Variants in ZNF558 observed in about 807,000 individuals in gnomAD.
ZNF558 encodes the protein zinc finger protein 558.
A neutral mutation model predicts 37.6 loss-of-function variants in ZNF558; 23 were observed. That is an observed-to-expected ratio of 0.61 (90% CI 0.44 to 0.87). The LOEUF is 0.87. Ranked by LOEUF, ZNF558 falls within the 40% of genes least tolerant of loss-of-function variation. The pLI is 0.00. For synonymous variants in ZNF558, 189 were observed against 174.4 expected (o/e 1.08, Z -0.66); for missense variants, 429 against 483.7 (o/e 0.89, Z 1.06).
intron 7 of ZNF558, among the ~76,000 whole-genome samples, chr19:8,820,758 G>A (rs978727513): frequency 2.8e-4 from 43 of 152,174 alleles, no homozygotes; most frequent in Admixed American, 9.8e-4. Flanking sequence ...TTACAGGTGT[G>A]AGCCACCACA....
At position 8,821,083 on chromosome 19, in the gene ZNF558, T is replaced by C. The variant is rs910140030; in HGVS notation, c.247+97A>G. On this transcript the variant is annotated intron_variant, in intron 7 of 9. Coordinates refer to ENST00000601372, the MANE Select transcript of ZNF558 (RefSeq NM_144693.3). Reference sequence around the variant, plus strand: ...GAATGGTTAAAAATGGTGAATTTTATGTTGTATGGATTTTACCACAATAAA... The same window carrying C: ...GAATGGTTAAAAATGGTGAATTTTACGTTGTATGGATTTTACCACAATAAA... The C allele has an allele frequency of 2.7e-6, 4 of 1,503,386 alleles. No homozygotes were observed. In the African/African-American group the frequency reaches 5.6e-5, roughly 21 times the overall value. The allele number at this position is 1,503,386 out of a possible 1,614,324, so 93.1% of individuals were successfully genotyped here. A position where few individuals can be genotyped will look rare whatever the true frequency, so the allele number is the denominator to read the frequency against.
intron 7 of ZNF558, among the ~76,000 whole-genome samples, chr19:8,813,842 C>A (rs1324156497): frequency 6.6e-6 from 1 of 152,166 alleles, no homozygotes; most frequent in Non-Finnish European, 1.5e-5. Flanking sequence ...AAAGTCAGGA[C>A]AAGAAATAGA....
rs1413165986 is a variant in ZNF558, at chr19:8,808,163, C to A, written c.*3118G>T. The A allele has an allele frequency of 2.6e-5, 4 of 152,074 alleles. No homozygotes were observed. The highest frequency in any genetic ancestry group is 9.7e-5 in the African/African-American group (4 of 41,406). 9.4% of individuals were successfully genotyped at this position (152,074 alleles called of 1,614,324 possible). A position where few individuals can be genotyped will look rare whatever the true frequency, so the allele number is the denominator to read the frequency against. Reference sequence around the variant, plus strand: ...TCTACTAAAAATATAAAAAAATTACCTGGGCGTGGTGGCAGGTGCCTGTAA... The same window carrying A: ...TCTACTAAAAATATAAAAAAATTACATGGGCGTGGTGGCAGGTGCCTGTAA... On this transcript the variant is annotated 3_prime_UTR_variant, in exon 10 of 10. Transcript: ENST00000601372.
At chr19:8,832,473 G>A (rs1475939991), upstream of ZNF558, 1 of 152,692 alleles carries the variant, frequency 6.5e-6, no homozygotes, top group Non-Finnish European at 1.5e-5. Flanking sequence ...AGGTGTTCTA[G>A]TTTGCTTAGT....
chr19:8,812,104 T>C, intron 9 of ZNF558, 41 bp from the exon 10 acceptor site: 2 of 1,417,444 alleles, frequency 1.4e-6, no homozygotes, highest in Non-Finnish European at 1.9e-6. Context: ...ATTTATAATA[T>C]TTGAAATACT....
chr19:8,832,802 G>C (rs2044395016), upstream of ZNF558, among the ~76,000 whole-genome samples: 2 of 152,010 alleles, frequency 1.3e-5, no homozygotes, highest in African/African-American at 4.8e-5. Context: ...TTCCGGGGCG[G>C]GGCTGAGCGG....
chr19:8,815,112 T>A (rs191779), intron 7 of ZNF558, among the ~76,000 whole-genome samples: 27,601 of 151,972 alleles, frequency 0.18, 2,997 homozygotes, highest in African/African-American at 0.31. Context: ...TTGGGCCCAT[T>A]ACAAGAAAAA....
Position 8,823,020 on chromosome 19 carries a change from C to T in ZNF558, c.-65-296G>A, listed in dbSNP as rs2044133014. ...ATCCAAGCGCACCACAAACGCATTC[C>T]CGGCTACTCCCTCCTTCCCCGGGGA... On this transcript the variant is annotated intron_variant, in intron 4 of 9. Coordinates refer to ENST00000601372, the MANE Select transcript of ZNF558 (RefSeq NM_144693.3). The T allele has an allele frequency of 7.2e-5, 20 of 277,370 alleles. 1 individual carries two copies. In the South Asian group the frequency reaches 9.5e-4, roughly 13 times the overall value. 17.2% of individuals were successfully genotyped at this position (277,370 alleles called of 1,614,324 possible).
intron 7 of ZNF558, among the ~76,000 whole-genome samples, chr19:8,817,995 A>G (rs2043983074): frequency 6.6e-6 from 1 of 152,222 alleles, no homozygotes; most frequent in African/African-American, 2.4e-5. Flanking sequence ...TAACAAATAT[A>G]TAAAGAACAC....
At position 8,811,684 on chromosome 19, in the gene ZNF558, C is replaced by T; in HGVS notation, c.806G>A (p.Cys269Tyr). ...TGENHHECNQCGKAFSTRSSL... is the reference protein window; with the variant it reads ...TGENHHECNQYGKAFSTRSSL... ...GGACCTTGTGCTGAAAGCTTTTCCA[C>T]ACTGATTACATTCATGGTGATTCTC... is the stretch of plus-strand genomic sequence containing the variant. The change falls in exon 10 of 10, where the codon TGT becomes TAT. Residue 269 changes from cysteine (C) to tyrosine (Y), a missense_variant. Transcript: ENST00000601372. 1 of 1,614,192 alleles carries T rather than the reference C, an allele frequency of 6.2e-7. No individual in the cohort carries two copies. The highest frequency in any genetic ancestry group is 8.5e-7 in the Non-Finnish European group (1 of 1,180,044).
chr19:8,820,355 G>T lies in ZNF558; in HGVS notation c.247+825C>A, dbSNP rs1599272657. Among the ~76,000 whole-genome samples the T allele has an allele frequency of 5.3e-5, 8 of 152,336 alleles. 1 individual carries two copies. Among genetic ancestry groups the T allele is most frequent in the Admixed American group, 1.3e-4 (2 of 15,300 alleles). On this transcript the variant is annotated intron_variant, in intron 7 of 9. Coordinates refer to ENST00000601372, the MANE Select transcript of ZNF558 (RefSeq NM_144693.3). Reference sequence around the variant, plus strand: ...TATAGCATTATTCTTGATAGTCAAAGAGTGGAAACAACTCAAATGTTTCTC... The same window carrying T: ...TATAGCATTATTCTTGATAGTCAAATAGTGGAAACAACTCAAATGTTTCTC...
At chr19:8,815,572 G>A (rs549619208) in intron 7 of ZNF558, among the ~76,000 whole-genome samples, 1 of 152,066 alleles carries the variant, frequency 6.6e-6, no homozygotes, top group Non-Finnish European at 1.5e-5. Flanking sequence ...CTTGCAACCA[G>A]GAGTTCAAGA....
At position 8,811,287 on chromosome 19, in the gene ZNF558, C is replaced by G; in HGVS notation, c.1203G>C (p.Trp401Cys). The G allele has an allele frequency of 6.4e-7, 1 of 1,555,276 alleles. No homozygotes were observed. The highest frequency in any genetic ancestry group is 8.7e-7 in the Non-Finnish European group (1 of 1,153,648). ...CAGAAGTTCCTGCAGTAATTCATAT[C>G]CATCTATTATGTATTCTCTTGTGCA... ...LSVHKRIHNR[W>C]I The change falls in exon 10 of 10, where the codon TGG becomes TGC. Residue 401 changes from tryptophan to cysteine, a missense_variant. Transcript: ENST00000601372.
chr19:8,835,558 G>T (rs2044446586), upstream of ZNF558, among the ~76,000 whole-genome samples: 1 of 152,104 alleles, frequency 6.6e-6, no homozygotes, highest in African/African-American at 2.4e-5. Context: ...GGAGAAATTG[G>T]AATTCTTATA....
At position 8,829,022 on chromosome 19, in the gene ZNF558, G is replaced by GGGA. The variant is rs537553321; in HGVS notation, c.-509+2293_-509+2295dup. Among the ~76,000 whole-genome samples, 313 of 151,476 alleles carry GGGA rather than the reference G, an allele frequency of 2.1e-3. 3 individuals are homozygous for GGGA. The highest frequency in any genetic ancestry group is 0.019 in the Admixed American group (287 of 15,178). On this transcript the variant is annotated intron_variant, in intron 2 of 9. Transcript: ENST00000601372. ...CATGCCTGTATCATCTCAGCACTTT[G>GGGA]GGAGGCTGAGGCGGGTGGATCACGA...
In ZNF558 at chr19:8,814,426, T is replaced by C. The variant is rs2043877870; in HGVS notation, c.248-1204A>G. On this transcript the variant is annotated intron_variant, in intron 7 of 9. Transcript: ENST00000601372. ...GGTAAATGTATTAGTCAGTACTGCT[T>C]GAGGCAAGAGAAAACAGTAGAAGCA... 3.9e-5 allele frequency among the ~76,000 whole-genome samples: 6 copies of C among 152,296 alleles called. No homozygotes were observed. In the South Asian group the frequency reaches 1.2e-3, roughly 32 times the overall value.
intron 2 of ZNF558, among the ~76,000 whole-genome samples, chr19:8,825,783 G>A (rs964241228): frequency 6.6e-6 from 1 of 152,086 alleles, no homozygotes; most frequent in East Asian, 1.9e-4. Flanking sequence ...GGGCCTCTGT[G>A]GTAGACAGAT....
Position 8,806,176 on chromosome 19 carries a change from TAA to T in ZNF558, c.*5103_*5104del, listed in dbSNP as rs1266412299. 2.0e-5 allele frequency: 3 copies of T among 152,204 alleles called. No homozygotes were observed. Among genetic ancestry groups the T allele is most frequent in the African/African-American group, 7.2e-5 (3 of 41,450 alleles). 9.4% of individuals were successfully genotyped at this position (152,204 alleles called of 1,614,324 possible). A position where few individuals can be genotyped will look rare whatever the true frequency, so the allele number is the denominator to read the frequency against. On this transcript the variant is annotated 3_prime_UTR_variant, in exon 10 of 10. Coordinates refer to ENST00000601372, the MANE Select transcript of ZNF558 (RefSeq NM_144693.3). ...TGGGGAGATCAATGCAATGTGTTTTTAAAAGCATTTTATTTTGGAAAGTTTAG... is the reference window on the plus strand; with the variant it reads ...TGGGGAGATCAATGCAATGTGTTTTTAAGCATTTTATTTTGGAAAGTTTAG...
At position 8,820,827 on chromosome 19, in the gene ZNF558, G is replaced by A. The variant is rs528224053; in HGVS notation, c.247+353C>T. Among the ~76,000 whole-genome samples the A allele has an allele frequency of 2.6e-5, 4 of 152,280 alleles. No homozygotes were observed. In the South Asian group the frequency reaches 8.3e-4, roughly 32 times the overall value. On this transcript the variant is annotated intron_variant, in intron 7 of 9. Transcript: ENST00000601372. ...CTACATGAAAAGTCAGACACAAAAG[G>A]TAATGTATTTTGTAATTACATTTAT...
Sources: gnomAD v4.1 joint callset for allele counts (sites outside exome capture counted in the v4.1 genomes callset) on GRCh38, gnomAD v4.1.1 for gene constraint, MANE v1.5 for transcripts, NCBI Gene and HGNC (gene_info 2026-07-23, HGNC 2026-07-21) for gene names.